Variants in DCDC2C observed in about 807,000 individuals in gnomAD.
DCDC2C encodes the protein doublecortin domain containing 2C.
In DCDC2C, 44 loss-of-function variants were observed where a neutral mutation model predicts 45.0. The ratio of observed to expected loss-of-function variants is 0.98; its 90% confidence interval spans 0.77 to 1.26. DCDC2C has a LOEUF of 1.26. DCDC2C is among the 50% of genes most tolerant of loss of function. The pLI, the probability that DCDC2C is intolerant of heterozygous loss-of-function variation, is 0.00. For synonymous variants in DCDC2C, 187 were observed against 178.8 expected (o/e 1.05, Z -0.37); for missense variants, 447 against 468.9 (o/e 0.95, Z 0.43).
chr2:3,763,747 G>A (rs1326771797), intron 6 of DCDC2C, among the ~76,000 whole-genome samples: 1 of 152,200 alleles, frequency 6.6e-6, no homozygotes, highest in Admixed American at 6.5e-5. Context: ...AATGGACTCT[G>A]CTCTTTTGGG....
intron 1 of DCDC2C, 186 bp downstream of exon 1, chr2:3,704,224 C>T (rs1257627053): frequency 1.8e-5 from 9 of 499,810 alleles, no homozygotes; most frequent in Admixed American, 4.4e-5. Flanking sequence ...TTCCTGGGGG[C>T]GAAGCCGAGG....
intron 10 of DCDC2C, among the ~76,000 whole-genome samples, chr2:3,814,887 C>T (rs566872818): frequency 7.7e-4 from 118 of 152,380 alleles, no homozygotes; most frequent in African/African-American, 2.6e-3. Flanking sequence ...ATCCAGCTTC[C>T]CTGGCTCCAT....
intron 10 of DCDC2C, among the ~76,000 whole-genome samples, chr2:3,786,201 T>G (rs1670646879): frequency 6.6e-6 from 1 of 152,036 alleles, no homozygotes; most frequent in Non-Finnish European, 1.5e-5. Flanking sequence ...CATGCAGATG[T>G]GTCCCGCTTG....
intron 2 of DCDC2C, 32 bp downstream of exon 2, chr2:3,708,632 A>T: frequency 6.6e-7 from 1 of 1,510,564 alleles, no homozygotes; most frequent in African/African-American, 1.4e-5. Context: ...CTAATAATGG[A>T]ATAAATTGGC....
At chr2:3,783,186 A>C (rs1165440324) in intron 9 of DCDC2C, among the ~76,000 whole-genome samples, 1 of 152,222 alleles carries the variant, frequency 6.6e-6, no homozygotes, top group Non-Finnish European at 1.5e-5. Context: ...CTGTATAAAA[A>C]TTTCATGGGT....
chr2:3,816,588 C>T (rs762829019), intron 10 of DCDC2C, among the ~76,000 whole-genome samples: 5 of 152,166 alleles, frequency 3.3e-5, no homozygotes, highest in Admixed American at 1.3e-4. Context: ...AGGAGAGGTA[C>T]AGGGTGGCAT....
chr2:3,835,483 G>A (rs1672051450), intron 10 of DCDC2C, among the ~76,000 whole-genome samples: 1 of 152,198 alleles, frequency 6.6e-6, no homozygotes, highest in Non-Finnish European at 1.5e-5. Context: ...CATCCTGGAG[G>A]AAGTGTTCAG....
chr2:3,768,700 A>G (rs528029028), intron 7 of DCDC2C, among the ~76,000 whole-genome samples: 1 of 152,210 alleles, frequency 6.6e-6, no homozygotes, highest in African/African-American at 2.4e-5. Flanking sequence ...TAGCCTCCCA[A>G]GTAGCTGGGA....
rs1670053229 is a variant in DCDC2C at position 3,767,791 on chromosome 2, G to A, written c.764G>A (p.Gly255Asp). 2 of 1,550,250 alleles carry A rather than the reference G, an allele frequency of 1.3e-6. No individual in the cohort carries two copies. Among genetic ancestry groups the A allele is most frequent in the Non-Finnish European group, 1.7e-6 (2 of 1,146,854 alleles). The change falls in exon 7 of 11, where the codon GGC becomes GAC. Residue 255 changes from glycine (G) to aspartate (D), a missense_variant. Physicochemically the swap from Gly to Asp is moderately conservative, Grantham distance 94. Coordinates refer to ENST00000399143, the MANE Select transcript of DCDC2C (RefSeq NM_001287444.2). ...GGAAAAGAACCTTGTAAATATGATG[G>A]CATACCCCCTAAAACACAGGATTCT... Reference protein sequence around the residue: ...SKGKEPCKYDGIPPKTQDSVY... With the variant: ...SKGKEPCKYDDIPPKTQDSVY...
chr2:3,779,844 C>A (rs1235104516), intron 9 of DCDC2C, among the ~76,000 whole-genome samples: 2 of 152,060 alleles, frequency 1.3e-5, no homozygotes, highest in African/African-American at 4.8e-5. Context: ...AGGAGTGACC[C>A]CTAGGGAGCT....
chr2:3,826,660 C>A (rs1026172066), intron 10 of DCDC2C, among the ~76,000 whole-genome samples: 5 of 152,044 alleles, frequency 3.3e-5, no homozygotes, highest in African/African-American at 9.7e-5. Flanking sequence ...TCGAAGGTCC[C>A]CTCTCTGTGG....
chr2:3,836,867 A>AC (rs1672091532), intron 10 of DCDC2C, among the ~76,000 whole-genome samples: 1 of 151,838 alleles, frequency 6.6e-6, no homozygotes, highest in Admixed American at 6.6e-5. Context: ...GTCTCAAAAA[A>AC]AAAAAAAAAG....
In DCDC2C at chr2:3,703,920, C is replaced by G; in HGVS notation, c.169C>G (p.Pro57Ala). The change falls in exon 1 of 11, where the codon CCG becomes GCG. Residue 57 changes from proline to alanine, a missense_variant. By Grantham distance (27) the Pro-to-Ala change is conservative. Transcript: ENST00000399143. This position sits in a 1 kb window ranked among gnomAD's most constrained non-coding sequence, Gnocchi z 4.4. Reference protein sequence around the residue: ...LEQLTEQVDVPFGVRRLFTPT... With the variant: ...LEQLTEQVDVAFGVRRLFTPT... The stretch of plus-strand genomic sequence containing the variant: ...GCAGCTCACGGAGCAGGTGGACGTC[C>G]CGTTCGGCGTGCGCCGCCTCTTCAC... The G allele has an allele frequency of 7.5e-7, 1 of 1,339,448 alleles. No individual in the cohort carries two copies. Among genetic ancestry groups the G allele is most frequent in the Non-Finnish European group, 9.6e-7 (1 of 1,041,664 alleles). The allele number at this position is 1,339,448 out of a possible 1,614,324, so 83.0% of individuals were successfully genotyped here.
intron 9 of DCDC2C, among the ~76,000 whole-genome samples, chr2:3,781,463 T>C (rs1250484902): frequency 2.0e-5 from 3 of 152,284 alleles, no homozygotes; most frequent in Non-Finnish European, 4.4e-5. Context: ...TCTGCAGATT[T>C]GCTTTCAGTT....
At chr2:3,782,118 G>T (rs529326824) in intron 9 of DCDC2C, among the ~76,000 whole-genome samples, 2 of 151,982 alleles carry the variant, frequency 1.3e-5, no homozygotes, top group East Asian at 3.9e-4. Flanking sequence ...CCTGTCCTGC[G>T]CTAACTCCCC....
intron 8 of DCDC2C, 24 bp downstream of exon 8, chr2:3,769,435 C>G: frequency 1.3e-6 from 2 of 1,544,028 alleles, no homozygotes; most frequent in Middle Eastern, 3.3e-4. Flanking sequence ...GTCCGATGTC[C>G]ATGCCGTCTT....
rs1275917456 is a variant in DCDC2C, at chr2:3,760,553, C to T, written c.726+5919C>T. On this transcript the variant is annotated intron_variant, in intron 6 of 10. Coordinates refer to ENST00000399143, the MANE Select transcript of DCDC2C (RefSeq NM_001287444.2). ...GGGAAGTGAATGAAGCTGGAAACCACCATTCTCAGCAAAGTAACACAGGAA... is the reference window on the plus strand; with the variant it reads ...GGGAAGTGAATGAAGCTGGAAACCATCATTCTCAGCAAAGTAACACAGGAA... Among the ~76,000 whole-genome samples, 3 of 152,274 alleles carry T rather than the reference C, an allele frequency of 2.0e-5. No homozygotes were observed. The South Asian group carries it at 6.2e-4, about 32-fold the overall frequency.
chr2:3,786,402 C>A (rs1180724177), intron 10 of DCDC2C, among the ~76,000 whole-genome samples: 1 of 116,418 alleles, frequency 8.6e-6, no homozygotes, highest in African/African-American at 3.6e-5. Flanking sequence ...CGCCTGTGCA[C>A]GGAGCCTCCG....
intron 10 of DCDC2C, among the ~76,000 whole-genome samples, chr2:3,828,749 A>G (rs1354678369): frequency 6.6e-6 from 1 of 152,160 alleles, no homozygotes; most frequent in Non-Finnish European, 1.5e-5. Flanking sequence ...AGGTGCTTCA[A>G]AGTCCTGGAA....
Sources: gnomAD v4.1 joint callset for allele counts (sites outside exome capture counted in the v4.1 genomes callset) on GRCh38, gnomAD v4.1.1 for gene constraint, Gnocchi (gnomAD v3.1) non-coding constraint, MANE v1.5 for transcripts, NCBI Gene and HGNC (gene_info 2026-07-23, HGNC 2026-07-21) for gene names.